The following UNC13C variants were observed in gnomAD, a reference collection of about 807,000 sequenced individuals.
UNC13C encodes the protein unc-13 homolog C, also known as protein unc-13 homolog C.
A neutral mutation model predicts 245.4 loss-of-function variants in UNC13C; 174 were observed. The observed-to-expected ratio is 0.71, with a 90% CI of 0.63 to 0.80. The LOEUF (loss-of-function observed/expected upper bound fraction) is 0.80, where lower values mean the gene tolerates loss of function less well. Ranked by LOEUF, UNC13C falls within the 30% of genes least tolerant of loss-of-function variation. UNC13C has a pLI of 0.00. For synonymous variants in UNC13C, 992 were observed against 895.1 expected (o/e 1.11, Z -1.93); for missense variants, 2,829 against 2,602.9 (o/e 1.09, Z -1.89).
intron 10 of UNC13C, among the ~76,000 whole-genome samples, chr15:54,274,254 A>G (rs1268702817): frequency 6.6e-6 from 1 of 152,218 alleles, no homozygotes; most frequent in Non-Finnish European, 1.5e-5. Flanking sequence ...AATATTTGAA[A>G]GCTGGGCAAA....
intron 30 of UNC13C, among the ~76,000 whole-genome samples, chr15:54,581,574 A>G (rs1208598939): frequency 2.0e-5 from 3 of 152,210 alleles, no homozygotes; most frequent in Non-Finnish European, 2.9e-5. Flanking sequence ...CACTAATCCC[A>G]TCAGGCCAGG....
At chr15:54,581,167 C>A (rs913435073) in intron 30 of UNC13C, among the ~76,000 whole-genome samples, 13 of 151,984 alleles carry the variant, frequency 8.6e-5, no homozygotes, top group Admixed American at 4.6e-4. Context: ...GAGTTGGGAG[C>A]CTTCGGGGAA....
chr15:53,890,933 C>T, the UNC13C span, among the ~76,000 whole-genome samples: 1 of 151,974 alleles, frequency 6.6e-6, no homozygotes, highest in Non-Finnish European at 1.5e-5. Context: ...TGTTGCTTTC[C>T]TAGTTCTTTT....
At chr15:54,394,013 G>T (rs192450085) in intron 18 of UNC13C, among the ~76,000 whole-genome samples, 20 of 151,982 alleles carry the variant, frequency 1.3e-4, no homozygotes, top group Non-Finnish European at 2.5e-4. Flanking sequence ...AATGTTATGG[G>T]TAGCAAAGAT....
intron 2 of UNC13C, among the ~76,000 whole-genome samples, chr15:54,082,136 A>ATTT (rs1898976036): frequency 1.3e-5 from 2 of 152,076 alleles, no homozygotes; most frequent in Non-Finnish European, 1.5e-5. Context: ...GGTTTAGAAG[A>ATTT]CCGCTGTTAG....
chr15:54,467,722 T>A (rs1011300368), intron 19 of UNC13C, among the ~76,000 whole-genome samples: 2 of 151,720 alleles, frequency 1.3e-5, no homozygotes, highest in Admixed American at 6.6e-5. Flanking sequence ...CTAGGTGAGA[T>A]CATATGGCAT....
chr15:54,265,927 A>G (rs2036539591), intron 10 of UNC13C, among the ~76,000 whole-genome samples: 1 of 152,002 alleles, frequency 6.6e-6, no homozygotes, highest in Non-Finnish European at 1.5e-5. Flanking sequence ...ATTAGCTTAT[A>G]CTATTGAGAT....
chr15:54,362,806 GA>G (rs1170123168), intron 17 of UNC13C, among the ~76,000 whole-genome samples: 2 of 151,994 alleles, frequency 1.3e-5, no homozygotes, highest in African/African-American at 4.8e-5. Flanking sequence ...TGCTCTGAGA[GA>G]AAAAAAGGTG....
chr15:53,886,892 A>G, the UNC13C span, among the ~76,000 whole-genome samples: 1 of 152,172 alleles, frequency 6.6e-6, no homozygotes, highest in African/African-American at 2.4e-5. Context: ...ATAAGTCGCA[A>G]TAGGGCAGCA....
intron 19 of UNC13C, among the ~76,000 whole-genome samples, chr15:54,471,197 T>C (rs932188380): frequency 2.0e-5 from 3 of 151,514 alleles, no homozygotes; most frequent in Admixed American, 6.6e-5. Flanking sequence ...GGATAGAATA[T>C]TCTGAATATG....
chr15:54,329,575 C>T (rs2038387364), intron 14 of UNC13C, among the ~76,000 whole-genome samples: 1 of 152,014 alleles, frequency 6.6e-6, no homozygotes, highest in South Asian at 2.1e-4. Context: ...TCACACCCTA[C>T]AGGCAGTAGG....
At chr15:54,178,759 C>T (rs2033699326) in intron 4 of UNC13C, among the ~76,000 whole-genome samples, 1 of 152,134 alleles carries the variant, frequency 6.6e-6, no homozygotes, top group African/African-American at 2.4e-5. Flanking sequence ...CTGTTTGCCC[C>T]CTCACCTATT....
intron 19 of UNC13C, among the ~76,000 whole-genome samples, chr15:54,428,944 TC>T (rs2040812190): frequency 1.3e-5 from 2 of 151,564 alleles, no homozygotes; most frequent in Non-Finnish European, 3.0e-5. Context: ...TTCTCTCTCT[TC>T]CCCCCAGCCC....
At chr15:54,222,527 T>A (rs186787127) in intron 4 of UNC13C, among the ~76,000 whole-genome samples, 59 of 152,266 alleles carry the variant, frequency 3.9e-4, no homozygotes, top group Non-Finnish European at 5.1e-4. Context: ...AAGTCTTGGC[T>A]ATTGTGAACA....
At chr15:54,486,037 G>T (rs1178397566) in intron 19 of UNC13C, among the ~76,000 whole-genome samples, 3 of 151,922 alleles carry the variant, frequency 2.0e-5, no homozygotes, top group African/African-American at 7.3e-5. Context: ...TTTATTGTCT[G>T]CCACTTGTCA....
At chr15:54,215,267 G>T (rs931364058) in intron 4 of UNC13C, among the ~76,000 whole-genome samples, 1 of 151,784 alleles carries the variant, frequency 6.6e-6, no homozygotes, top group African/African-American at 2.4e-5. Context: ...CTGCATTTAG[G>T]CTTTTTTACT....
At chr15:54,600,476 C>G (rs951481806) in intron 30 of UNC13C, among the ~76,000 whole-genome samples, 6 of 152,058 alleles carry the variant, frequency 3.9e-5, no homozygotes, top group African/African-American at 1.2e-4. Context: ...AATTTGAGAA[C>G]AAGATGAGCT....
At chr15:54,222,245 C>T (rs907246707) in intron 4 of UNC13C, among the ~76,000 whole-genome samples, 2 of 151,968 alleles carry the variant, frequency 1.3e-5, no homozygotes, top group African/African-American at 4.8e-5. Flanking sequence ...CTCCTCCACC[C>T]ACCCCTACCC....
intron 2 of UNC13C, among the ~76,000 whole-genome samples, chr15:54,058,976 C>CTAT: frequency 6.6e-6 from 1 of 152,162 alleles, no homozygotes; most frequent in East Asian, 1.9e-4. Context: ...ATAATAAGAG[C>CTAT]TATCTATGAC....
Sources: allele counts gnomAD v4.1 joint callset (sites outside exome capture counted in the v4.1 genomes callset), GRCh38; gene constraint gnomAD v4.1.1; transcripts MANE v1.5; gene names NCBI Gene and HGNC (gene_info 2026-07-23, HGNC 2026-07-21).